TMEM132E: variants seen among roughly 807,000 people sequenced by gnomAD.
TMEM132E encodes transmembrane protein 132E.
A neutral mutation model predicts 78.5 loss-of-function variants in TMEM132E; 49 were observed. The observed-to-expected ratio is 0.62, with a 90% CI of 0.50 to 0.79. The LOEUF is 0.79. TMEM132E is among the 30% of genes least tolerant of loss of function. TMEM132E has a pLI of 0.00. For synonymous variants in TMEM132E, 715 were observed against 670.6 expected, an observed-to-expected ratio of 1.07 and a Z score of -1.02; for missense variants, 1,403 against 1,470.9, an observed-to-expected ratio of 0.95 and a Z score of 0.75.
chr17:34,638,085 G>A lies in TMEM132E; in HGVS notation c.3078G>A (p.Leu1026=), dbSNP rs1427287326. 1 of 1,591,976 alleles carries A rather than the reference G, an allele frequency of 6.3e-7. No individual in the cohort carries two copies. The highest frequency in any genetic ancestry group is 8.6e-7 in the Non-Finnish European group (1 of 1,169,318). Residue 1026 remains leucine (L), a synonymous_variant, in exon 9 of 9, where the codon CTG becomes CTA. Coordinates refer to ENST00000631683, the MANE Select transcript of TMEM132E (RefSeq NM_001304438.2). ...TCACCACGCTGCCGTCAGAGGAGCT[G>A]GCCTATGACTCGGTGCCCGCGGGCG... ...TTFTTLPSEE[L]AYDSVPAGEE...
chr17:34,605,299 C>T (rs941916356), intron 1 of TMEM132E, among the ~76,000 whole-genome samples: 16 of 152,166 alleles, frequency 1.1e-4, no homozygotes, highest in Non-Finnish European at 1.5e-5. Context: ...AAGCTGGGCC[C>T]GGAAAGGTAT....
chr17:34,637,145 A>T, intron 8 of TMEM132E, 32 bp from the exon 9 acceptor site: 1 of 1,553,424 alleles, frequency 6.4e-7, no homozygotes, highest in Non-Finnish European at 8.7e-7. Flanking sequence ...CAGCTCTTTG[A>T]CTCCTATCCC....
chr17:34,611,804 C>A (rs111703878), intron 1 of TMEM132E, among the ~76,000 whole-genome samples: 1,786 of 152,234 alleles, frequency 0.012, 42 homozygotes, highest in South Asian at 0.071. Context: ...GGTGATGATT[C>A]CAGGGGCTTC....
chr17:34,615,453 G>C (rs1906746401), intron 1 of TMEM132E, among the ~76,000 whole-genome samples: 1 of 151,962 alleles, frequency 6.6e-6, no homozygotes, highest in Non-Finnish European at 1.5e-5. Flanking sequence ...GGAGTGGCCA[G>C]TTTAGGATAG....
chr17:34,610,186 G>A (rs867455082), intron 1 of TMEM132E, among the ~76,000 whole-genome samples: 8 of 152,204 alleles, frequency 5.3e-5, no homozygotes, highest in South Asian at 4.1e-4. Context: ...TTTTAGCATG[G>A]TTATTTATGT....
At chr17:34,608,532 G>T (rs904536422) in intron 1 of TMEM132E, among the ~76,000 whole-genome samples, 2 of 152,198 alleles carry the variant, frequency 1.3e-5, no homozygotes, top group African/African-American at 4.8e-5. Context: ...ATGCAACCCA[G>T]GATGGAATTA....
At chr17:34,635,330 G>A (rs1050580896) in intron 7 of TMEM132E, among the ~76,000 whole-genome samples, 1 of 152,172 alleles carries the variant, frequency 6.6e-6, no homozygotes, top group East Asian at 1.9e-4. Flanking sequence ...CTCCCTGAGA[G>A]CAGAGGGGGA....
chr17:34,585,497 C>T (rs1905639384), intron 1 of TMEM132E, among the ~76,000 whole-genome samples: 1 of 152,194 alleles, frequency 6.6e-6, no homozygotes. Context: ...ATGTCCAAAA[C>T]ACTGAAAGAG....
At chr17:34,609,441 G>A (rs1440399132) in intron 1 of TMEM132E, among the ~76,000 whole-genome samples, 2 of 152,176 alleles carry the variant, frequency 1.3e-5, no homozygotes, top group Admixed American at 6.5e-5. Context: ...CCAGAGCAGG[G>A]GAGCTCTTTC....
chr17:34,583,801 C>T (rs1038063031), intron 1 of TMEM132E, among the ~76,000 whole-genome samples: 3 of 152,286 alleles, frequency 2.0e-5, no homozygotes, highest in African/African-American at 7.2e-5. Context: ...CTTTCTTTCC[C>T]CTTTCCAGTT....
chr17:34,620,253 A>G (rs1387363594), intron 1 of TMEM132E, among the ~76,000 whole-genome samples: 1 of 152,250 alleles, frequency 6.6e-6, no homozygotes, highest in Non-Finnish European at 1.5e-5. Context: ...AAGCCTGGGC[A>G]GGTACCCCCA....
chr17:34,627,879 T>C (rs2142081126), intron 2 of TMEM132E, among the ~76,000 whole-genome samples: 2 of 152,296 alleles, frequency 1.3e-5, no homozygotes, highest in South Asian at 2.1e-4. Context: ...TGAACATAAG[T>C]GAAATCAGTC....
At chr17:34,597,733 C>T (rs1051109483) in intron 1 of TMEM132E, among the ~76,000 whole-genome samples, 2 of 152,158 alleles carry the variant, frequency 1.3e-5, no homozygotes, top group Admixed American at 6.5e-5. Context: ...GTAGGAGGGC[C>T]CCACCAGCTC....
chr17:34,625,815 T>C (rs888403342), intron 1 of TMEM132E, among the ~76,000 whole-genome samples: 2 of 152,208 alleles, frequency 1.3e-5, no homozygotes, highest in Admixed American at 6.5e-5. Flanking sequence ...GCGCTGGGGA[T>C]AGAACCTCCT....
Position 34,604,835 on chromosome 17 carries a change from C to T in TMEM132E, c.68-21292C>T, listed in dbSNP as rs150863955. On this transcript the variant is annotated intron_variant, in intron 1 of 8. Coordinates refer to ENST00000631683, the MANE Select transcript of TMEM132E (RefSeq NM_001304438.2). ...TTTCTGAGCATTTCTGTGCCAGGCA[C>T]TTGCATTTCCTCCTCACGACAGCCC... 1.7e-3 allele frequency among the ~76,000 whole-genome samples: 264 copies of T among 152,374 alleles called. 2 individuals are homozygous for T. Among genetic ancestry groups the T allele is most frequent in the African/African-American group, 6.1e-3 (253 of 41,592 alleles).
At chr17:34,613,351 T>A (rs1286807725) in intron 1 of TMEM132E, among the ~76,000 whole-genome samples, 1 of 151,880 alleles carries the variant, frequency 6.6e-6, no homozygotes, top group African/African-American at 2.4e-5. Context: ...TCATTTAGTG[T>A]AACTCTGAGA....
rs963242931 is a variant in TMEM132E at position 34,580,783 on chromosome 17, T to C, written c.-294T>C. The C allele has an allele frequency of 2.8e-5, 10 of 361,262 alleles. No homozygotes were observed. The highest frequency in any genetic ancestry group is 1.9e-4 in the African/African-American group (9 of 47,050). The allele number at this position is 361,262 out of a possible 1,614,324, so 22.4% of individuals were successfully genotyped here. The stretch of plus-strand genomic sequence containing the variant: ...CGCCCGCGGCCACCGGGCTCCGGAC[T>C]GCACGTGCAGCTCCCCCCGCGCCTC... On this transcript the variant is annotated 5_prime_UTR_variant, in exon 1 of 9. Transcript: ENST00000631683.
chr17:34,581,104 G>T lies in TMEM132E; in HGVS notation c.28G>T (p.Gly10Cys). 6.5e-7 allele frequency: 1 copy of T among 1,539,844 alleles called. No individual in the cohort carries two copies. Among genetic ancestry groups the T allele is most frequent in the East Asian group, 2.5e-5 (1 of 39,652 alleles). Residue 10 changes from glycine to cysteine, a missense_variant, in exon 1 of 9, where the codon GGC becomes TGC. Gly to Cys is a radical substitution (Grantham distance 159, BLOSUM62 -3). This residue lies in a region of TMEM132E where 511 missense variants were observed against 499.0 expected (regional missense o/e 1.02). Transcript: ENST00000631683. ...GGCCCCGGGGATGTCGGGCCGCGGC[G>T]GCGCCGCCCTGCTCTGCCTCTCAGC... MAPGMSGRG[G>C]AALLCLSALL...
intron 5 of TMEM132E, among the ~76,000 whole-genome samples, chr17:34,631,194 C>T (rs79929698): frequency 0.022 from 3,301 of 152,246 alleles, 130 homozygotes; most frequent in African/African-American, 0.075. Flanking sequence ...TATGCTTTGC[C>T]TTTGGGTCCC....
Sources: gnomAD v4.1 joint callset for allele counts (sites outside exome capture counted in the v4.1 genomes callset) on GRCh38, gnomAD v4.1.1 for gene constraint, gnomAD v4.1.1 regional missense constraint, MANE v1.5 for transcripts, NCBI Gene and HGNC (gene_info 2026-07-23, HGNC 2026-07-21) for gene names.